Variants in MIPOL1 observed in about 807,000 individuals in gnomAD.
MIPOL1 encodes the protein mirror-image polydactyly 1, also known as mirror-image polydactyly gene 1 protein.
A neutral mutation model predicts 60.9 loss-of-function variants in MIPOL1; 57 were observed. The ratio of observed to expected loss-of-function variants is 0.94; its 90% CI spans 0.76 to 1.17. MIPOL1 has a LOEUF of 1.17. MIPOL1 is among the 50% of genes most tolerant of loss of function. The probability of loss-of-function intolerance (pLI) is 0.00; values close to 1 mark genes in which losing one functional copy is unlikely to be tolerated. For synonymous variants in MIPOL1, 179 were observed against 168.8 expected (o/e 1.06, Z -0.47); for missense variants, 551 against 511.6 (o/e 1.08, Z -0.74).
chr14:37,471,674 C>T (rs1431010039), intron 11 of MIPOL1, among the ~76,000 whole-genome samples: 1 of 152,082 alleles, frequency 6.6e-6, no homozygotes, highest in African/African-American at 2.4e-5. Flanking sequence ...CTGATCCCAA[C>T]CACTTTTTTT....
At chr14:37,484,758 C>G (rs1184816524) in intron 11 of MIPOL1, among the ~76,000 whole-genome samples, 1 of 152,102 alleles carries the variant, frequency 6.6e-6, no homozygotes, top group Non-Finnish European at 1.5e-5. Context: ...TATTCTTTCT[C>G]TGTCCCTTCA....
intron 11 of MIPOL1, among the ~76,000 whole-genome samples, chr14:37,437,841 C>A (rs1317201471): frequency 6.6e-6 from 1 of 152,112 alleles, no homozygotes; most frequent in African/African-American, 2.4e-5. Flanking sequence ...ATGAAGGTAA[C>A]CCATTATTAT....
At chr14:37,298,955 C>A (rs2086076508) in intron 7 of MIPOL1, among the ~76,000 whole-genome samples, 1 of 150,772 alleles carries the variant, frequency 6.6e-6, no homozygotes, top group Non-Finnish European at 1.5e-5. Flanking sequence ...TGGGTATATA[C>A]CCAAAGGACT....
chr14:37,239,185 A>G lies in MIPOL1; in HGVS notation c.-198-7918A>G, dbSNP rs548724923. Among the ~76,000 whole-genome samples, 20 of 151,298 alleles carry G rather than the reference A, an allele frequency of 1.3e-4. No individual in the cohort carries two copies. In the South Asian group the frequency reaches 2.7e-3, roughly 20 times the overall value. On this transcript the variant is annotated intron_variant, in intron 1 of 12. Coordinates refer to ENST00000684589, the MANE Select transcript of MIPOL1 (RefSeq NM_001388067.1). The stretch of plus-strand genomic sequence containing the variant: ...CTCAGCCTCCTGAGCAGCTGGGACT[A>G]CAGGTGCCCACCACCATGCCCAGCT...
intron 7 of MIPOL1, among the ~76,000 whole-genome samples, chr14:37,302,468 T>C (rs1221371874): frequency 6.6e-6 from 1 of 151,736 alleles, no homozygotes; most frequent in Admixed American, 6.6e-5. Context: ...TTCCTTGTTG[T>C]TTAAAAGAGT....
intron 10 of MIPOL1, among the ~76,000 whole-genome samples, chr14:37,409,429 C>CA (rs1367330043): frequency 1.3e-5 from 2 of 151,874 alleles, no homozygotes; most frequent in Non-Finnish European, 2.9e-5. Flanking sequence ...CAAAAAAAGA[C>CA]AAAAAAATTA....
At chr14:37,424,402 GA>G (rs2093926066) in intron 11 of MIPOL1, among the ~76,000 whole-genome samples, 1 of 152,090 alleles carries the variant, frequency 6.6e-6, no homozygotes, top group South Asian at 2.1e-4. Flanking sequence ...GACACACAGG[GA>G]GAAGACTGCC....
chr14:37,249,021 G>T (rs923524359), intron 3 of MIPOL1, among the ~76,000 whole-genome samples: 2 of 151,970 alleles, frequency 1.3e-5, no homozygotes, highest in African/African-American at 4.8e-5. Flanking sequence ...TGGATGGGTA[G>T]ATGGATGGAC....
At chr14:37,485,512 A>G (rs2094933607) in intron 11 of MIPOL1, among the ~76,000 whole-genome samples, 1 of 152,106 alleles carries the variant, frequency 6.6e-6, no homozygotes, top group Non-Finnish European at 1.5e-5. Context: ...CTGATTTTTT[A>G]ATGATCACCA....
intron 11 of MIPOL1, among the ~76,000 whole-genome samples, chr14:37,445,279 A>G (rs1270594056): frequency 6.6e-6 from 1 of 152,050 alleles, no homozygotes; most frequent in African/African-American, 2.4e-5. Flanking sequence ...TTATACACCA[A>G]TAACAGACAG....
intron 3 of MIPOL1, among the ~76,000 whole-genome samples, chr14:37,265,454 CAA>C (rs1235289420): frequency 6.6e-6 from 1 of 152,040 alleles, no homozygotes; most frequent in Non-Finnish European, 1.5e-5. Flanking sequence ...GTAGCTACCA[CAA>C]GACATACCAC....
intron 10 of MIPOL1, chr14:37,397,011 G>A (rs1328865758): frequency 6.6e-6 from 1 of 152,076 alleles, no homozygotes; most frequent in Non-Finnish European, 1.5e-5. Flanking sequence ...TGGATCCATT[G>A]CTGGTGAGTT....
intron 10 of MIPOL1, among the ~76,000 whole-genome samples, chr14:37,379,940 G>A (rs2092881718): frequency 2.0e-5 from 3 of 152,050 alleles, no homozygotes; most frequent in Admixed American, 2.0e-4. Flanking sequence ...TAAGAAATCT[G>A]ATGCATGGCC....
At chr14:37,258,569 T>A (rs773262637) in intron 3 of MIPOL1, among the ~76,000 whole-genome samples, 45 of 152,138 alleles carry the variant, frequency 3.0e-4, no homozygotes, top group Non-Finnish European at 2.9e-5. Context: ...CTAAATAATA[T>A]TTGTAGTGTT....
chr14:37,483,749 C>T (rs1025371952), intron 11 of MIPOL1, among the ~76,000 whole-genome samples: 1 of 151,452 alleles, frequency 6.6e-6, no homozygotes, highest in Non-Finnish European at 1.5e-5. Flanking sequence ...AATCCTCCTG[C>T]CTCAGCCTCC....
chr14:37,465,953 A>G (rs2153585216), intron 11 of MIPOL1, among the ~76,000 whole-genome samples: 1 of 152,314 alleles, frequency 6.6e-6, no homozygotes, highest in Non-Finnish European at 1.5e-5. Context: ...TATTTAAAGA[A>G]TAAAACTGCT....
At chr14:37,432,905 G>A (rs1359830892) in intron 11 of MIPOL1, among the ~76,000 whole-genome samples, 1 of 152,094 alleles carries the variant, frequency 6.6e-6, no homozygotes, top group South Asian at 2.1e-4. Context: ...ATTATTCAGG[G>A]TTCTTCAGAG....
At chr14:37,415,121 T>A (rs1279448344) in intron 10 of MIPOL1, among the ~76,000 whole-genome samples, 2 of 152,144 alleles carry the variant, frequency 1.3e-5, no homozygotes, top group East Asian at 3.9e-4. Flanking sequence ...GTAATACTAC[T>A]TTTTTGCCAG....
chr14:37,226,088 T>C (rs566276070), intron 1 of MIPOL1, among the ~76,000 whole-genome samples: 1 of 152,344 alleles, frequency 6.6e-6, no homozygotes, highest in East Asian at 1.9e-4. Context: ...TCCATATTGC[T>C]GTCAGCATTT....
Sources: allele counts gnomAD v4.1 joint callset (sites outside exome capture counted in the v4.1 genomes callset), GRCh38; gene constraint gnomAD v4.1.1; transcripts MANE v1.5; gene names NCBI Gene and HGNC (gene_info 2026-07-23, HGNC 2026-07-21).